The following PACRGL variants were observed in gnomAD, a reference collection of about 807,000 sequenced individuals.
PACRGL encodes parkin coregulated like.
PACRGL carries 38 observed loss-of-function variants against 34.5 expected under a neutral mutation model. The observed-to-expected ratio is 1.10, with a 90% CI of 0.85 to 1.44. The LOEUF is 1.44. Among genes scored for constraint, PACRGL ranks in the 40% most tolerant of loss-of-function variants. The probability of loss-of-function intolerance (pLI) is 0.00; values close to 1 mark genes in which losing one functional copy is unlikely to be tolerated. For missense variants in PACRGL, 305 were observed against 281.4 expected, an observed-to-expected ratio of 1.08 and a Z score of -0.60; for synonymous variants, 128 against 100.1, an observed-to-expected ratio of 1.28 and a Z score of -1.66.
At chr4:20,742,544 A>G (rs1751382292) in intron 8 of PACRGL, among the ~76,000 whole-genome samples, 3 of 152,116 alleles carry the variant, frequency 2.0e-5, no homozygotes. Flanking sequence ...CTCTCAATAA[A>G]CTAGGTATTA....
chr4:20,716,624 GT>G (rs1180363138), intron 7 of PACRGL, among the ~76,000 whole-genome samples: 1 of 152,098 alleles, frequency 6.6e-6, no homozygotes, highest in Non-Finnish European at 1.5e-5. Flanking sequence ...GAGAATAATG[GT>G]TTCCAGCTTC....
the PACRGL span, among the ~76,000 whole-genome samples, chr4:20,763,566 T>C: frequency 6.6e-6 from 1 of 152,156 alleles, no homozygotes; most frequent in Admixed American, 6.5e-5. Context: ...ACTTAATGTG[T>C]CTACCCCAAA....
the PACRGL span, among the ~76,000 whole-genome samples, chr4:20,763,535 T>G: frequency 2.0e-5 from 3 of 150,134 alleles, no homozygotes; most frequent in Non-Finnish European, 3.0e-5. Flanking sequence ...TCTATTCTCA[T>G]TTTTTTTGTT....
intron 8 of PACRGL, among the ~76,000 whole-genome samples, chr4:20,737,881 C>T (rs1177837248): frequency 1.3e-5 from 2 of 152,204 alleles, no homozygotes; most frequent in African/African-American, 4.8e-5. Flanking sequence ...CCTGTAATCC[C>T]AGCACTTTGG....
chr4:20,734,931 C>T (rs1208153564), downstream of PACRGL, among the ~76,000 whole-genome samples: 1 of 152,012 alleles, frequency 6.6e-6, no homozygotes, highest in Non-Finnish European at 1.5e-5. Flanking sequence ...TTTTCATATT[C>T]TAATTGGAAA....
chr4:20,737,514 A>G (rs1164290288), downstream of PACRGL, among the ~76,000 whole-genome samples: 9 of 150,650 alleles, frequency 6.0e-5, no homozygotes, highest in Admixed American at 5.3e-4. Context: ...CGATCTGAGA[A>G]GGGAGTTGAT....
At chr4:20,708,664 T>G (rs1735664661) in intron 4 of PACRGL, among the ~76,000 whole-genome samples, 1 of 152,152 alleles carries the variant, frequency 6.6e-6, no homozygotes, top group Non-Finnish European at 1.5e-5. Context: ...AGAGACGTCT[T>G]ACTCTTATGA....
intron 3 of PACRGL, 109 bp downstream of exon 3, chr4:20,704,923 T>C: frequency 7.9e-7 from 1 of 1,259,048 alleles, no homozygotes; most frequent in Non-Finnish European, 1.1e-6. Flanking sequence ...AGTTTTGAGC[T>C]AATAATGAGA....
intron 7 of PACRGL, among the ~76,000 whole-genome samples, chr4:20,717,570 G>A (rs568412103): frequency 9.9e-4 from 150 of 152,242 alleles, no homozygotes; most frequent in African/African-American, 3.2e-3. Flanking sequence ...AGTTTTCCCA[G>A]CACCATTTAT....
intron 8 of PACRGL, among the ~76,000 whole-genome samples, chr4:20,743,150 C>A (rs952391793): frequency 6.6e-6 from 1 of 151,916 alleles, no homozygotes; most frequent in African/African-American, 2.4e-5. Context: ...ATTCCATGTT[C>A]ATGGATAGGA....
the PACRGL span, chr4:20,758,768 C>T: frequency 7.1e-7 from 1 of 1,399,090 alleles, no homozygotes; most frequent in Non-Finnish European, 1.0e-6. Context: ...CTCAACACTG[C>T]AAGCATAATT....
intron 8 of PACRGL, among the ~76,000 whole-genome samples, chr4:20,751,867 C>T (rs12152652): frequency 0.32 from 49,294 of 151,860 alleles, 8,407 homozygotes; most frequent in African/African-American, 0.41. Flanking sequence ...GAAGTTACAG[C>T]GGCTTCCCAG....
chr4:20,766,478 C>T, the PACRGL span, among the ~76,000 whole-genome samples: 1 of 152,092 alleles, frequency 6.6e-6, no homozygotes, highest in African/African-American at 2.4e-5. Context: ...AGGCAGGAGA[C>T]TCACTTGAAT....
rs1560403789 is a variant in PACRGL, at chr4:20,731,914, A to G, written c.*4573A>G. 16 of 1,550,596 alleles carry G rather than the reference A, an allele frequency of 1.0e-5. 1 individual carries two copies. The South Asian group carries it at 1.7e-4, about 16-fold the overall frequency. ...TGGTAAACTTAGGCATATGATCTCT[A>G]TATTTCGCCCAGTTCATGGTAGCTA... is the stretch of plus-strand genomic sequence containing the variant. On this transcript the variant is annotated 3_prime_UTR_variant, in exon 9 of 9. Coordinates refer to ENST00000503585, the MANE Select transcript of PACRGL (RefSeq NM_001258345.3).
intron 8 of PACRGL, among the ~76,000 whole-genome samples, chr4:20,726,688 A>T (rs1578354710): frequency 6.6e-6 from 1 of 152,172 alleles, no homozygotes; most frequent in East Asian, 1.9e-4. Flanking sequence ...CAATGATGGA[A>T]CTATTCAACT....
chr4:20,719,452 C>G (rs1462523080), intron 7 of PACRGL, among the ~76,000 whole-genome samples: 1 of 152,150 alleles, frequency 6.6e-6, no homozygotes, highest in African/African-American at 2.4e-5. Context: ...TCCTGCTTTT[C>G]TCTTGTGGGC....
At chr4:20,713,392 C>A in intron 6 of PACRGL, 40 bp from the exon 7 acceptor site, 1 of 1,480,524 alleles carries the variant, frequency 6.8e-7, no homozygotes. Flanking sequence ...CTCCTCTCTT[C>A]CCTGATGTCC....
At chr4:20,724,967 C>G (rs1745009502) in intron 8 of PACRGL, 79 bp downstream of exon 8, 3 of 741,940 alleles carry the variant, frequency 4.0e-6, no homozygotes, top group Non-Finnish European at 5.7e-6. Context: ...ATATATTTAA[C>G]ATATACTATC....
chr4:20,764,646 G>A, the PACRGL span, among the ~76,000 whole-genome samples: 1 of 150,692 alleles, frequency 6.6e-6, no homozygotes, highest in South Asian at 2.1e-4. Context: ...GTCTCACACC[G>A]AGAGGAGCTA....
Sources: allele counts gnomAD v4.1 joint callset (sites outside exome capture counted in the v4.1 genomes callset), GRCh38; gene constraint gnomAD v4.1.1; transcripts MANE v1.5; gene names NCBI Gene and HGNC (gene_info 2026-07-23, HGNC 2026-07-21).